Variants in SIPA1L1 observed in about 807,000 individuals in gnomAD.
The protein encoded by SIPA1L1 is signal-induced proliferation-associated 1-like protein 1.
Under a neutral mutation model 162.7 loss-of-function variants are expected in SIPA1L1, and 26 were observed. The observed-to-expected ratio is 0.16, with a 90% CI of 0.12 to 0.22. SIPA1L1 has a LOEUF of 0.22. Among genes scored for constraint, SIPA1L1 ranks in the 10% least tolerant of loss-of-function variants. The pLI is 1.00. For missense variants in SIPA1L1, 1,874 were observed against 2,241.0 expected (o/e 0.84, Z 3.31); for synonymous variants, 829 against 837.4 (o/e 0.99, Z 0.17).
chr14:71,362,595 T>C (rs1190918686), intron 2 of SIPA1L1, among the ~76,000 whole-genome samples: 2 of 152,360 alleles, frequency 1.3e-5, no homozygotes, highest in African/African-American at 2.4e-5. Context: ...ATTTCATCTT[T>C]GATCAAATTG....
At chr14:71,618,985 A>G (rs1260155763) in intron 6 of SIPA1L1, 98 bp downstream of exon 6, 5 of 1,334,876 alleles carry the variant, frequency 3.7e-6, no homozygotes, top group Non-Finnish European at 5.2e-6. Flanking sequence ...GCACATGGTT[A>G]CAGCTGTCTT....
At chr14:71,574,364 A>G (rs1323663531) in intron 4 of SIPA1L1, 1 of 152,500 alleles carries the variant, frequency 6.6e-6, no homozygotes, top group Non-Finnish European at 1.5e-5. Context: ...AACCCGGTGC[A>G]TTCAAGAAAT....
rs1049189811 is a variant in SIPA1L1 at position 71,723,522 on chromosome 14, G to A, written c.4209-125G>A. On this transcript the variant is annotated intron_variant, in intron 17 of 23. Coordinates refer to ENST00000381232, the MANE Select transcript of SIPA1L1 (RefSeq NM_001386936.1). ...AAGCCAGGAAGGCCAGCCAGGCATC[G>A]CTGTTAATAGTTCATGAAAAATTCA... 2.3e-5 allele frequency: 24 copies of A among 1,031,776 alleles called. No homozygotes were observed. In the Admixed American group the frequency reaches 2.4e-4, roughly 10 times the overall value. 63.9% of individuals were successfully genotyped at this position (1,031,776 alleles called of 1,614,324 possible).
At chr14:71,338,006 A>T (rs2035269390) in intron 2 of SIPA1L1, among the ~76,000 whole-genome samples, 2 of 152,150 alleles carry the variant, frequency 1.3e-5, no homozygotes, top group Non-Finnish European at 2.9e-5. Context: ...TATCACTCTT[A>T]TACCCTTCCC....
chr14:71,537,425 G>A lies in SIPA1L1; in HGVS notation c.-303+8055G>A, dbSNP rs372891433. On this transcript the variant is annotated intron_variant, in intron 4 of 23. Transcript: ENST00000381232. ...TCACCATATTGGCCAGGCTGGTCTC[G>A]GACTCCTGACCTCAGGTGATCCAAC... Among the ~76,000 whole-genome samples, 18 of 152,026 alleles carry A rather than the reference G, an allele frequency of 1.2e-4. No homozygotes were observed. In the East Asian group the frequency reaches 2.3e-3, roughly 20 times the overall value.
At chr14:71,611,383 T>TTTTAATTTAA (rs201662090) in intron 5 of SIPA1L1, among the ~76,000 whole-genome samples, 2 of 152,184 alleles carry the variant, frequency 1.3e-5, no homozygotes, top group African/African-American at 4.8e-5. Context: ...CTAGTTGTTA[T>TTTTAATTTAA]TTTAATTTAA....
chr14:71,516,055 A>G (rs1413396773), intron 3 of SIPA1L1, among the ~76,000 whole-genome samples: 1 of 152,210 alleles, frequency 6.6e-6, no homozygotes, highest in Non-Finnish European at 1.5e-5. Flanking sequence ...TAAGTGGTAT[A>G]AAGAACCCTT....
Position 71,582,235 on chromosome 14 carries a change from C to A in SIPA1L1, c.-302-5336C>A, listed in dbSNP as rs112055773. Reference sequence around the variant, plus strand: ...TTGTAGTCCTAGCTACTCAAGAGGCCAAGGTGGGAGGATCACTTGAGCCTG... The same window carrying A: ...TTGTAGTCCTAGCTACTCAAGAGGCAAAGGTGGGAGGATCACTTGAGCCTG... On this transcript the variant is annotated intron_variant, in intron 4 of 23. Coordinates refer to ENST00000381232, the MANE Select transcript of SIPA1L1 (RefSeq NM_001386936.1). 4.5e-3 allele frequency among the ~76,000 whole-genome samples: 686 copies of A among 152,036 alleles called. 5 individuals carry two copies. The highest frequency in any genetic ancestry group is 0.015 in the African/African-American group (638 of 41,456).
In SIPA1L1 at chr14:71,695,137, G is replaced by C. The variant is rs2081531843; in HGVS notation, c.3375-3844G>C. Among the ~76,000 whole-genome samples the C allele has an allele frequency of 2.0e-5, 3 of 152,206 alleles. 1 individual carries two copies. The South Asian group carries it at 6.2e-4, about 31-fold the overall frequency. On this transcript the variant is annotated intron_variant, in intron 13 of 23. Transcript: ENST00000381232. ...CTAGGTCTGTTCTCAAATAATATTTGTGTGATAGTATCAAATTCAGAGTAT... is the reference window on the plus strand; with the variant it reads ...CTAGGTCTGTTCTCAAATAATATTTCTGTGATAGTATCAAATTCAGAGTAT...
intron 2 of SIPA1L1, among the ~76,000 whole-genome samples, chr14:71,502,407 T>G (rs1011970597): frequency 1.3e-5 from 2 of 149,006 alleles, no homozygotes; most frequent in Admixed American, 6.7e-5. Context: ...CCTGGCAATT[T>G]TGTGTGTGTG....
rs372791431 is a variant in SIPA1L1, at chr14:71,345,237, G to T, written c.-465+24056G>T. Among the ~76,000 whole-genome samples, 34 of 152,284 alleles carry T rather than the reference G, an allele frequency of 2.2e-4. 1 individual carries two copies. The East Asian group carries it at 5.6e-3, about 25-fold the overall frequency. ...ATGGAGCAGAGGTTAAGAGGGCACT[G>T]TGTGGGAGACGGGTACTATGTGGAA... On this transcript the variant is annotated intron_variant, in intron 2 of 23. Coordinates refer to ENST00000381232, the MANE Select transcript of SIPA1L1 (RefSeq NM_001386936.1).
chr14:71,585,063 A>G (rs2034412592), intron 4 of SIPA1L1, among the ~76,000 whole-genome samples: 2 of 146,958 alleles, frequency 1.4e-5, no homozygotes, highest in South Asian at 2.3e-4. Context: ...CAAAGCATGT[A>G]TATTTCCATA....
intron 5 of SIPA1L1, among the ~76,000 whole-genome samples, chr14:71,595,623 C>T (rs1370807663): frequency 1.3e-5 from 2 of 152,182 alleles, no homozygotes; most frequent in Non-Finnish European, 2.9e-5. Context: ...AAATAAAACG[C>T]CTTTGTCCCC....
intron 2 of SIPA1L1, among the ~76,000 whole-genome samples, chr14:71,361,254 A>T (rs182036296): frequency 2.1e-4 from 32 of 152,278 alleles, no homozygotes; most frequent in Non-Finnish European, 2.8e-4. Context: ...CAGGTGTACT[A>T]TTAGGAGCAC....
chr14:71,563,702 A>C (rs904113688), intron 4 of SIPA1L1, among the ~76,000 whole-genome samples: 1 of 152,116 alleles, frequency 6.6e-6, no homozygotes, highest in Non-Finnish European at 1.5e-5. Flanking sequence ...AGCACACACT[A>C]TCTTCTTTAC....
intron 2 of SIPA1L1, among the ~76,000 whole-genome samples, chr14:71,344,667 C>T (rs2035977898): frequency 6.6e-6 from 1 of 152,176 alleles, no homozygotes; most frequent in Admixed American, 6.5e-5. Flanking sequence ...TCAAGTGATC[C>T]TCTCACTTCA....
chr14:71,686,976 A>G (rs10873246), intron 13 of SIPA1L1, among the ~76,000 whole-genome samples: 127,433 of 152,214 alleles, frequency 0.84, 53,953 homozygotes, highest in African/African-American at 0.95. Context: ...TCCAGTTTGG[A>G]AGCAGAGAGC....
intron 20 of SIPA1L1, among the ~76,000 whole-genome samples, chr14:71,732,951 G>A (rs1454496746): frequency 3.9e-5 from 6 of 152,190 alleles, no homozygotes; most frequent in Admixed American, 3.9e-4. Flanking sequence ...GGTGGCTCAC[G>A]CCTGTAATCC....
chr14:71,365,058 T>C (rs1407768178), intron 2 of SIPA1L1, among the ~76,000 whole-genome samples: 1 of 149,194 alleles, frequency 6.7e-6, no homozygotes, highest in Non-Finnish European at 1.5e-5. Flanking sequence ...ATTTTTTTTT[T>C]TCTTGTTGCC....
Sources: allele counts gnomAD v4.1 joint callset (sites outside exome capture counted in the v4.1 genomes callset), GRCh38; gene constraint gnomAD v4.1.1; transcripts MANE v1.5; gene names NCBI Gene and HGNC (gene_info 2026-07-23, HGNC 2026-07-21).